Variants in TSNAX observed in about 807,000 individuals in gnomAD.
TSNAX encodes translin-associated protein X.
TSNAX carries 12 observed loss-of-function variants against 33.0 expected under a neutral mutation model. That is an observed-to-expected ratio of 0.36 (90% CI 0.23 to 0.59). The LOEUF is 0.59. TSNAX is among the 20% of genes least tolerant of loss of function. TSNAX has a pLI of 0.74. For synonymous variants in TSNAX, 110 were observed against 117.2 expected (o/e 0.94, Z 0.40); for missense variants, 267 against 341.3 (o/e 0.78, Z 1.72).
chr1:231,534,025 T>C (rs540923071), intron 2 of TSNAX: 160 of 152,352 alleles, frequency 1.1e-3, no homozygotes, highest in African/African-American at 3.6e-3. Context: ...ACATATTACA[T>C]TGTAATGTCT....
chr1:231,533,673 A>G lies in TSNAX; in HGVS notation c.122-3540A>G, dbSNP rs183949994. On this transcript the variant is annotated intron_variant, in intron 2 of 5. Transcript: ENST00000366639. ...CTTAATGCAGTTGGAAAAATAGTAC[A>G]GAGAATTTCTGTATAGACTTGACTT... Among the ~76,000 whole-genome samples, 762 of 152,354 alleles carry G rather than the reference A, an allele frequency of 5.0e-3. 9 individuals are homozygous for G. Among genetic ancestry groups the G allele is most frequent in the African/African-American group, 0.017 (723 of 41,580 alleles).
At position 231,539,078 on chromosome 1, in the gene TSNAX, T is replaced by G. The variant is rs559649806; in HGVS notation, c.236+1751T>G. Among the ~76,000 whole-genome samples the G allele has an allele frequency of 2.6e-5, 4 of 152,350 alleles. No homozygotes were observed. In the South Asian group the frequency reaches 8.3e-4, roughly 32 times the overall value. ...TTGAAATATGGCACTGTTAACATTT[T>G]CTTTTTCTTACCTGACTGTGTAAAA... On this transcript the variant is annotated intron_variant, in intron 3 of 5. Transcript: ENST00000366639.
intron 5 of TSNAX, among the ~76,000 whole-genome samples, chr1:231,562,991 A>C (rs956002326): frequency 2.6e-5 from 4 of 152,180 alleles, no homozygotes; most frequent in Admixed American, 2.0e-4. Flanking sequence ...CTAAATGATG[A>C]GGACGTTGCA....
At chr1:231,530,406 G>C (rs112354417) in intron 2 of TSNAX, among the ~76,000 whole-genome samples, 2,081 of 152,274 alleles carry the variant, frequency 0.014, 59 homozygotes, top group African/African-American at 0.048. Flanking sequence ...ACAGAAGGTG[G>C]AGTTGCGGCT....
intron 4 of TSNAX, among the ~76,000 whole-genome samples, chr1:231,547,531 T>C (rs145067148): frequency 0.051 from 7,694 of 149,718 alleles, 667 homozygotes; most frequent in African/African-American, 0.18. Context: ...GCTGGGACTA[T>C]AGGCAAATGC....
At position 231,564,973 on chromosome 1, in the gene TSNAX, A is replaced by C; in HGVS notation, c.*68A>C. The C allele has an allele frequency of 6.6e-7, 1 of 1,517,680 alleles. No homozygotes were observed. The highest frequency in any genetic ancestry group is 8.8e-7 in the Non-Finnish European group (1 of 1,131,530). The allele number at this position is 1,517,680 out of a possible 1,614,324, so 94.0% of individuals were successfully genotyped here. A position where few individuals can be genotyped will look rare whatever the true frequency, so the allele number is the denominator to read the frequency against. ...AGAGACCAATTTGTAAGACTTATTT[A>C]GTATTTCATTTAACTTTATTGTGGC... On this transcript the variant is annotated 3_prime_UTR_variant, in exon 6 of 6. Transcript: ENST00000366639.
chr1:231,561,258 G>A lies in TSNAX; in HGVS notation c.495+3G>A. The A allele has an allele frequency of 6.7e-7, 1 of 1,502,284 alleles. No homozygotes were observed. The highest frequency in any genetic ancestry group is 9.1e-7 in the Non-Finnish European group (1 of 1,099,378). The allele number at this position is 1,502,284 out of a possible 1,614,324, so 93.1% of individuals were successfully genotyped here. A position where few individuals can be genotyped will look rare whatever the true frequency, so the allele number is the denominator to read the frequency against. ...ACAATGGGAAAGAAAATAAAACTGT[G>A]AGAATTTAAAATTTATTTCACATTT... On this transcript the variant is annotated splice_donor_region_variant and intron_variant, in intron 5 of 5. Coordinates refer to ENST00000366639, the MANE Select transcript of TSNAX (RefSeq NM_005999.3).
Position 231,540,889 on chromosome 1 carries a change from T to C in TSNAX, c.237-1592T>C, listed in dbSNP as rs112028232. Among the ~76,000 whole-genome samples, 402 of 152,356 alleles carry C rather than the reference T, an allele frequency of 2.6e-3. 1 individual carries two copies. Among genetic ancestry groups the C allele is most frequent in the African/African-American group, 9.2e-3 (383 of 41,576 alleles). On this transcript the variant is annotated intron_variant, in intron 3 of 5. Transcript: ENST00000366639. ...ATCATTATGATGGTATCCCTGGATA[T>C]AGGCTTTGCCCAAAGTTTGATGTTA...
intron 4 of TSNAX, among the ~76,000 whole-genome samples, chr1:231,544,078 TCAGA>T (rs1490022416): frequency 1.1e-4 from 17 of 152,278 alleles, no homozygotes; most frequent in Admixed American, 4.6e-4. Context: ...GGAAAATATT[TCAGA>T]CAGAGTAGTC....
At chr1:231,548,185 G>A (rs981043042) in intron 4 of TSNAX, among the ~76,000 whole-genome samples, 3 of 152,120 alleles carry the variant, frequency 2.0e-5, no homozygotes, top group East Asian at 1.9e-4. Flanking sequence ...AAAATTAATG[G>A]CAGTAATTCT....
rs75609053 is a variant in TSNAX, at chr1:231,536,891, G to C, written c.122-322G>C. On this transcript the variant is annotated intron_variant, in intron 2 of 5. Coordinates refer to ENST00000366639, the MANE Select transcript of TSNAX (RefSeq NM_005999.3). Reference sequence around the variant, plus strand: ...CTCTGTCACCAGGCTGGAGTGCAGTGACTTGATCTCGACTCACTGCAACCT... The same window carrying C: ...CTCTGTCACCAGGCTGGAGTGCAGTCACTTGATCTCGACTCACTGCAACCT... 9.3e-3 allele frequency: 1,585 copies of C among 169,536 alleles called. 83 individuals carry two copies. The East Asian group carries it at 0.15, about 16-fold the overall frequency. The allele number at this position is 169,536 out of a possible 1,614,324, so 10.5% of individuals were successfully genotyped here. A position where few individuals can be genotyped will look rare whatever the true frequency, so the allele number is the denominator to read the frequency against.
intron 4 of TSNAX, among the ~76,000 whole-genome samples, chr1:231,551,024 G>A (rs1457090120): frequency 6.6e-6 from 1 of 152,130 alleles, no homozygotes; most frequent in East Asian, 1.9e-4. Flanking sequence ...TTGGTAAGCA[G>A]TTCTATAATA....
At chr1:231,548,452 G>A (rs1435701877) in intron 4 of TSNAX, among the ~76,000 whole-genome samples, 1 of 152,156 alleles carries the variant, frequency 6.6e-6, no homozygotes, top group Non-Finnish European at 1.5e-5. Flanking sequence ...TTTATTCAGT[G>A]GGAAGCTAGA....
chr1:231,530,758 G>A (rs1441249019), intron 2 of TSNAX, among the ~76,000 whole-genome samples: 2 of 151,232 alleles, frequency 1.3e-5, no homozygotes, highest in Admixed American at 6.6e-5. Context: ...CGTAGTGGGA[G>A]GTGCCTGTAA....
chr1:231,561,106 A>G (rs549238358), intron 4 of TSNAX, 22 bp from the exon 5 acceptor site: 2 of 1,600,976 alleles, frequency 1.2e-6, no homozygotes, highest in South Asian at 1.1e-5. Flanking sequence ...ATTCTTAGTA[A>G]TTTTCTTTGT....
At chr1:231,559,201 C>G (rs1018386720) in intron 4 of TSNAX, among the ~76,000 whole-genome samples, 13 of 152,086 alleles carry the variant, frequency 8.5e-5, no homozygotes, top group African/African-American at 3.1e-4. Context: ...ATTTTTACAA[C>G]AAACCTTTAA....
chr1:231,546,874 G>A (rs529028669), intron 4 of TSNAX, among the ~76,000 whole-genome samples: 11 of 152,274 alleles, frequency 7.2e-5, no homozygotes, highest in Admixed American at 3.3e-4. Context: ...TTGTGGAAAA[G>A]GGAGGAGTGG....
chr1:231,529,812 C>T (rs199557579), intron 2 of TSNAX, among the ~76,000 whole-genome samples: 7 of 152,236 alleles, frequency 4.6e-5, no homozygotes, highest in Non-Finnish European at 8.8e-5. Flanking sequence ...CATATTTTCA[C>T]AGTCCCCTTT....
intron 4 of TSNAX, among the ~76,000 whole-genome samples, chr1:231,550,170 G>A (rs1660207466): frequency 6.6e-6 from 1 of 152,152 alleles, no homozygotes; most frequent in Admixed American, 6.5e-5. Flanking sequence ...ACATTCTCAG[G>A]TACTAGAGGT....
Sources: allele counts gnomAD v4.1 joint callset (sites outside exome capture counted in the v4.1 genomes callset), GRCh38; gene constraint gnomAD v4.1.1; transcripts MANE v1.5; gene names NCBI Gene and HGNC (gene_info 2026-07-23, HGNC 2026-07-21).